PITPNM2: variants seen among roughly 807,000 people sequenced by gnomAD.
PITPNM2 encodes membrane-associated phosphatidylinositol transfer protein 2.
Under a neutral mutation model 132.2 loss-of-function variants are expected in PITPNM2, and 35 were observed. The observed-to-expected ratio is 0.26, with a 90% CI of 0.20 to 0.35. The LOEUF (loss-of-function observed/expected upper bound fraction) is 0.35. Among genes scored for constraint, PITPNM2 ranks in the 10% least tolerant of loss-of-function variants. PITPNM2 has a pLI of 1.00. For missense variants in PITPNM2, 1,332 were observed against 1,912.0 expected (o/e 0.70, Z 5.66); for synonymous variants, 738 against 799.2 (o/e 0.92, Z 1.29).
chr12:123,003,002 G>A (rs1379500330), intron 8 of PITPNM2, among the ~76,000 whole-genome samples: 5 of 152,174 alleles, frequency 3.3e-5, no homozygotes, highest in African/African-American at 1.2e-4. Context: ...GCCTCCCAAA[G>A]TGCTGGGATT....
rs1257619589 is a variant in PITPNM2 at position 123,111,782 on chromosome 12, C to T, written c.-199-1294G>A. On this transcript the variant is annotated intron_variant, in intron 1 of 25. Transcript: ENST00000320201. This position sits in a 1 kb window ranked among gnomAD's most constrained non-coding sequence, Gnocchi z 4.1. ...CCCGGAACAGATGAAACAGCCCAGG[C>T]ACCCACAGCAGAGTGGATGCAGGTC... 6.6e-6 allele frequency among the ~76,000 whole-genome samples: 1 copy of T among 152,240 alleles called. No homozygotes were observed. The highest frequency in any genetic ancestry group is 1.5e-5 in the Non-Finnish European group (1 of 68,038).
chr12:123,111,641 C>T lies in PITPNM2; in HGVS notation c.-199-1153G>A, dbSNP rs1389087083. Among the ~76,000 whole-genome samples the T allele has an allele frequency of 1.3e-5, 2 of 152,220 alleles. No homozygotes were observed. The highest frequency in any genetic ancestry group is 2.4e-5 in the African/African-American group (1 of 41,446). On this transcript the variant is annotated intron_variant, in intron 1 of 25. Coordinates refer to ENST00000320201, the MANE Select transcript of PITPNM2 (RefSeq NM_020845.3). The surrounding 1 kb of genome is among the most constrained non-coding windows in gnomAD (Gnocchi z 4.1). ...TCTTCCAACCCCGCCACCGCCACCG[C>T]GTCCTGCATGCCCACCCCCGTGCAG...
At chr12:123,142,425 G>A (rs1250227905) in intron 1 of PITPNM2, among the ~76,000 whole-genome samples, 1 of 152,244 alleles carries the variant, frequency 6.6e-6, no homozygotes, top group East Asian at 1.9e-4. Flanking sequence ...CTCGAGTGAT[G>A]CATGCCCAAC....
Position 123,005,778 on chromosome 12 carries a change from G to C in PITPNM2, c.644-230C>G. The stretch of plus-strand genomic sequence containing the variant: ...GTGGTTCTATAATTAGAGTGGAGGG[G>C]CCTCCCAAAGCAATGTGTCCGGTCA... On this transcript the variant is annotated intron_variant, in intron 6 of 25. Coordinates refer to ENST00000320201, the MANE Select transcript of PITPNM2 (RefSeq NM_020845.3). The surrounding 1 kb of genome is among the most constrained non-coding windows in gnomAD (Gnocchi z 6.2). 2 of 559,334 alleles carry C rather than the reference G, an allele frequency of 3.6e-6. No homozygotes were observed. The highest frequency in any genetic ancestry group is 4.6e-4 in the Middle Eastern group (1 of 2,156). The allele number at this position is 559,334 out of a possible 1,614,324, so 34.6% of individuals were successfully genotyped here.
chr12:123,002,610 G>A (rs187811615), intron 8 of PITPNM2, among the ~76,000 whole-genome samples: 1 of 152,070 alleles, frequency 6.6e-6, no homozygotes, highest in Admixed American at 6.5e-5. Context: ...TAGAGACGAG[G>A]TTTCACTATG....
intron 10 of PITPNM2, among the ~76,000 whole-genome samples, chr12:122,999,817 G>C (rs1280626577): frequency 1.3e-5 from 2 of 152,176 alleles, no homozygotes; most frequent in Non-Finnish European, 2.9e-5. Context: ...TTTGGATGGC[G>C]GTACCCCAGA....
intron 1 of PITPNM2, among the ~76,000 whole-genome samples, chr12:123,127,662 T>A (rs1045751825): frequency 1.4e-4 from 21 of 149,488 alleles, no homozygotes; most frequent in Non-Finnish European, 2.8e-4. Flanking sequence ...CAGGCTGGAG[T>A]GCAGTGGCGT....
chr12:123,007,718 G>A (rs1306951210), intron 6 of PITPNM2, among the ~76,000 whole-genome samples: 2 of 152,144 alleles, frequency 1.3e-5, no homozygotes, highest in African/African-American at 4.8e-5. Flanking sequence ...ACTGTCTGCT[G>A]GCCTCACAGG....
At chr12:123,130,460 T>G (rs2043237551) in intron 1 of PITPNM2, among the ~76,000 whole-genome samples, 1 of 152,068 alleles carries the variant, frequency 6.6e-6, no homozygotes, top group African/African-American at 2.4e-5. Context: ...GTGTCCTTCT[T>G]GGCTCCAAGG....
intron 3 of PITPNM2, among the ~76,000 whole-genome samples, chr12:123,026,277 T>C (rs1245452893): frequency 6.6e-6 from 1 of 152,034 alleles, no homozygotes; most frequent in East Asian, 1.9e-4. Flanking sequence ...GGAAATAGGG[T>C]CTTTGCCGAT....
At chr12:123,071,357 C>G (rs2041616165) in intron 2 of PITPNM2, among the ~76,000 whole-genome samples, 1 of 152,226 alleles carries the variant, frequency 6.6e-6, no homozygotes, top group Non-Finnish European at 1.5e-5. Flanking sequence ...TCCCTGTGCT[C>G]CCCATAAGCC....
chr12:123,142,081 G>A (rs772585598), intron 1 of PITPNM2, among the ~76,000 whole-genome samples: 8 of 152,178 alleles, frequency 5.3e-5, no homozygotes, highest in Non-Finnish European at 1.2e-4. Flanking sequence ...GGTATTCAAA[G>A]AGTGCACGAC....
chr12:122,991,708 G>A (rs746978983), intron 16 of PITPNM2: 5 of 1,292,096 alleles, frequency 3.9e-6, no homozygotes, highest in Admixed American at 6.2e-5. Context: ...TGAGGACCAG[G>A]TCAACCAACG....
intron 2 of PITPNM2, among the ~76,000 whole-genome samples, chr12:123,098,965 T>A (rs912693758): frequency 6.6e-6 from 1 of 152,196 alleles, no homozygotes; most frequent in African/African-American, 2.4e-5. Context: ...AACTCCTCCA[T>A]ATCCTTCAAA....
chr12:123,135,633 T>C (rs1478784263), intron 1 of PITPNM2, among the ~76,000 whole-genome samples: 2 of 152,220 alleles, frequency 1.3e-5, no homozygotes, highest in Non-Finnish European at 2.9e-5. Context: ...TCTGTGACTG[T>C]TCTATTTCAT....
Position 123,078,439 on chromosome 12 carries a change from C to G in PITPNM2, c.-96+31946G>C, listed in dbSNP as rs979366327. Among the ~76,000 whole-genome samples, 16 of 152,318 alleles carry G rather than the reference C, an allele frequency of 1.1e-4. No individual in the cohort carries two copies. The highest frequency in any genetic ancestry group is 1.0e-3 in the Admixed American group (16 of 15,312). Reference sequence around the variant, plus strand: ...CGTGGTGCTCCGCTGCCCCAAGAGCCTGGGCCCTCCGTCTCACGCCACGAT... The same window carrying G: ...CGTGGTGCTCCGCTGCCCCAAGAGCGTGGGCCCTCCGTCTCACGCCACGAT... On this transcript the variant is annotated intron_variant, in intron 2 of 25. Transcript: ENST00000320201. This position sits in a 1 kb window ranked among gnomAD's most constrained non-coding sequence, Gnocchi z 7.3.
rs765657775 is a variant in PITPNM2, at chr12:122,995,508, G to A, written c.1935C>T (p.Asn645=). The A allele has an allele frequency of 7.4e-6, 12 of 1,613,346 alleles. No individual in the cohort carries two copies. Among genetic ancestry groups the A allele is most frequent in the South Asian group, 2.2e-5 (2 of 91,088 alleles). Residue 645 remains asparagine, a synonymous_variant, in exon 14 of 26, where the codon AAC becomes AAT. Transcript: ENST00000320201. ...TGCCGTTGCTGCGGGGGATGTCGAC[G>A]TTGCTTCGGCTCAGGTGCCGACTGC... is the stretch of plus-strand genomic sequence containing the variant. The part of the protein sequence containing the change: ...LESSRHLSRS[N]VDIPRSNGTE...
Position 122,986,214 on chromosome 12 carries a change from C to T in PITPNM2, c.3863G>A (p.Arg1288His), listed in dbSNP as rs368519330. Residue 1288 changes from arginine (R) to histidine (H), a missense_variant, in exon 26 of 26, where the codon CGC becomes CAC. Around this residue, in one of 6 missense-constraint regions of PITPNM2, gnomAD observed 163 missense variants for 177.2 expected, o/e 0.92. Transcript: ENST00000320201. ...FGLPGQGDFL[R>H]SRNHLLRTIS... ...GGTGCGAAGCAGGTGGTTCCGGGAG[C>T]GCAGAAAGTCGCCCTGGCCGGGCAG... The T allele has an allele frequency of 8.1e-4, 1,265 of 1,562,640 alleles. 2 individuals carry two copies. Among genetic ancestry groups the T allele is most frequent in the Non-Finnish European group, 1.0e-3 (1,188 of 1,158,664 alleles).
intron 5 of PITPNM2, chr12:123,010,853 G>T (rs2039166145): frequency 6.5e-6 from 1 of 153,998 alleles, no homozygotes; most frequent in African/African-American, 2.4e-5. Context: ...CGGAAGAGAT[G>T]TCTGAAGAGG....
Sources: allele counts gnomAD v4.1 joint callset (sites outside exome capture counted in the v4.1 genomes callset), GRCh38; gene constraint gnomAD v4.1.1; regional missense constraint gnomAD v4.1.1; non-coding constraint Gnocchi (gnomAD v3.1); transcripts MANE v1.5; gene names NCBI Gene and HGNC (gene_info 2026-07-23, HGNC 2026-07-21).